Variants in EXT2 observed in about 807,000 individuals in gnomAD.
The protein encoded by EXT2 is exostosin-2.
EXT2 carries 53 observed loss-of-function variants against 81.6 expected under a neutral mutation model. The observed-to-expected ratio is 0.65, with a 90% CI of 0.52 to 0.82. The LOEUF (loss-of-function observed/expected upper bound fraction) is 0.82, where lower values mean the gene tolerates loss of function less well. EXT2 is among the 40% of genes least tolerant of loss of function. The pLI is 0.00. For missense variants in EXT2, 774 were observed against 910.2 expected (o/e 0.85, Z 1.93); for synonymous variants, 320 against 340.0 (o/e 0.94, Z 0.65).
intron 9 of EXT2, among the ~76,000 whole-genome samples, chr11:44,206,002 GA>G (rs1955578164): frequency 6.6e-6 from 1 of 152,070 alleles, no homozygotes; most frequent in Non-Finnish European, 1.5e-5. Context: ...AGTAGAATGG[GA>G]AAAAAATGTA....
intron 5 of EXT2, among the ~76,000 whole-genome samples, chr11:44,126,431 G>A (rs907810130): frequency 5.9e-5 from 9 of 152,314 alleles, no homozygotes; most frequent in African/African-American, 2.2e-4. Flanking sequence ...AAGGTAGGCT[G>A]AGGTAAGTAC....
At chr11:44,204,484 C>T (rs568021490) in intron 9 of EXT2, among the ~76,000 whole-genome samples, 1 of 152,254 alleles carries the variant, frequency 6.6e-6, no homozygotes, top group East Asian at 1.9e-4. Context: ...TTGAAAACCA[C>T]CGGTCTGGTA....
chr11:44,119,188 A>C (rs1954280724), intron 4 of EXT2, among the ~76,000 whole-genome samples: 1 of 142,698 alleles, frequency 7.0e-6, no homozygotes, highest in African/African-American at 2.6e-5. Flanking sequence ...ACACACACAC[A>C]CACACATTTT....
At chr11:44,222,507 T>C (rs1955792655) in intron 10 of EXT2, among the ~76,000 whole-genome samples, 1 of 152,188 alleles carries the variant, frequency 6.6e-6, no homozygotes, top group African/African-American at 2.4e-5. Flanking sequence ...GATTCCATAT[T>C]CCATATTCAG....
At chr11:44,237,114 A>C (rs1361457346) in intron 13 of EXT2, among the ~76,000 whole-genome samples, 1 of 152,216 alleles carries the variant, frequency 6.6e-6, no homozygotes, top group Non-Finnish European at 1.5e-5. Flanking sequence ...CTGACATCCC[A>C]GTAGTGCTTG....
Position 44,235,298 on chromosome 11 carries a change from A to G in EXT2, c.1936-995A>G, listed in dbSNP as rs934408017. On this transcript the variant is annotated intron_variant, in intron 12 of 13. Coordinates refer to ENST00000533608, the MANE Select transcript of EXT2 (RefSeq NM_207122.2). The stretch of plus-strand genomic sequence containing the variant: ...TCACCAGGCTGGAGTGCAGTGGCAC[A>G]GTCTCGGCTCACTGCAGCCTCTGCC... 2.3e-5 allele frequency among the ~76,000 whole-genome samples: 3 copies of G among 128,916 alleles called. No individual in the cohort carries two copies. The Admixed American group carries it at 2.8e-4, about 12-fold the overall frequency. 84.6% of individuals were successfully genotyped at this position (128,916 alleles called of 152,430 possible).
intron 7 of EXT2, among the ~76,000 whole-genome samples, chr11:44,145,977 A>G (rs1200625768): frequency 3.3e-5 from 5 of 152,238 alleles, no homozygotes. Context: ...ACAAAATACC[A>G]CAGACGGGGT....
At chr11:44,181,959 G>A (rs1343591480) in intron 8 of EXT2, among the ~76,000 whole-genome samples, 1 of 152,176 alleles carries the variant, frequency 6.6e-6, no homozygotes, top group Non-Finnish European at 1.5e-5. Context: ...ATGGGGACCT[G>A]ATTGCCTAAG....
rs1955909250 is a variant in EXT2 at position 44,232,373 on chromosome 11, C to T, written c.1683C>T (p.Asp561=). The change falls in exon 11 of 14, where the codon GAC becomes GAT. Residue 561 remains aspartate (D), a synonymous_variant. Transcript: ENST00000533608. ...FGYEVWREFP[D]RLVGYPGRLH... ...CTTAGGTCTGGCGGGAATTTCCTGACCGGTTGGTGGGTTACCCGGGTCGTC... is the reference window on the plus strand; with the variant it reads ...CTTAGGTCTGGCGGGAATTTCCTGATCGGTTGGTGGGTTACCCGGGTCGTC... 6.2e-7 allele frequency: 1 copy of T among 1,613,942 alleles called. No individual in the cohort carries two copies. The highest frequency in any genetic ancestry group is 2.2e-5 in the East Asian group (1 of 44,866).
chr11:44,179,699 A>C (rs1033318502), intron 8 of EXT2, among the ~76,000 whole-genome samples: 4 of 152,200 alleles, frequency 2.6e-5, no homozygotes, highest in Non-Finnish European at 4.4e-5. Context: ...ACCTCAAGAT[A>C]ATGAATTTTG....
chr11:44,142,343 T>C (rs182910701), intron 7 of EXT2, among the ~76,000 whole-genome samples: 1 of 152,358 alleles, frequency 6.6e-6, no homozygotes, highest in African/African-American at 2.4e-5. Context: ...CACATATATT[T>C]ATTTCTTTAT....
intron 8 of EXT2, among the ~76,000 whole-genome samples, chr11:44,197,473 G>A (rs1050025024): frequency 5.3e-5 from 8 of 152,064 alleles, no homozygotes; most frequent in African/African-American, 1.9e-4. Flanking sequence ...ATCAGCTGTT[G>A]TCTCTTCTCC....
rs1278023117 is a variant in EXT2, at chr11:44,239,946, A to G, written c.2018+3571A>G. ...TAAAATGGCCTAGGATTTGCATATA[A>G]CCTTCGCATATCCTTCTTTATAGTT... On this transcript the variant is annotated intron_variant, in intron 13 of 13. Transcript: ENST00000533608. Among the ~76,000 whole-genome samples the G allele has an allele frequency of 5.3e-5, 8 of 152,072 alleles. No homozygotes were observed. In the South Asian group the frequency reaches 1.5e-3, roughly 28 times the overall value.
intron 7 of EXT2, among the ~76,000 whole-genome samples, chr11:44,137,973 G>A (rs1309712764): frequency 2.0e-5 from 3 of 152,178 alleles, no homozygotes; most frequent in Non-Finnish European, 4.4e-5. Flanking sequence ...TGTGTACTCA[G>A]TTATGCTAAG....
intron 10 of EXT2, among the ~76,000 whole-genome samples, chr11:44,224,944 G>A (rs371108380): frequency 6.6e-6 from 1 of 152,146 alleles, no homozygotes; most frequent in East Asian, 1.9e-4. Flanking sequence ...GGTTGTGTAG[G>A]ATTTAAAGAG....
chr11:44,247,716 G>C lies in EXT2; in HGVS notation c.*3429G>C, dbSNP rs1259963188. 6.6e-6 allele frequency among the ~76,000 whole-genome samples: 1 copy of C among 152,164 alleles called. No individual in the cohort carries two copies. The highest frequency in any genetic ancestry group is 2.4e-5 in the African/African-American group (1 of 41,428). ...GACCATCATGCTGGTCTGTGCTGAC[G>C]CAGACTGGGAGCTGGAAGAGACAAG... On this transcript the variant is annotated 3_prime_UTR_variant, in exon 14 of 14. Coordinates refer to ENST00000533608, the MANE Select transcript of EXT2 (RefSeq NM_207122.2).
At chr11:44,228,342 A>T (rs369397629) in intron 10 of EXT2, among the ~76,000 whole-genome samples, 1 of 152,354 alleles carries the variant, frequency 6.6e-6, no homozygotes, top group East Asian at 1.9e-4. Context: ...GGTAGTAATG[A>T]CAAAAGGCTT....
intron 1 of EXT2, chr11:44,096,192 A>T (rs1590532689): frequency 6.9e-7 from 1 of 1,450,628 alleles, no homozygotes; most frequent in Non-Finnish European, 9.3e-7. Context: ...CTCCGCCGTG[A>T]CCCCTCCCTT....
At chr11:44,162,633 TA>T (rs1954942843) in intron 7 of EXT2, among the ~76,000 whole-genome samples, 1 of 127,156 alleles carries the variant, frequency 7.9e-6, no homozygotes, top group Non-Finnish European at 1.7e-5. Flanking sequence ...AATAGACAAA[TA>T]CTGAAACCTA....
Sources: gnomAD v4.1 joint callset for allele counts (sites outside exome capture counted in the v4.1 genomes callset) on GRCh38, gnomAD v4.1.1 for gene constraint, MANE v1.5 for transcripts, NCBI Gene and HGNC (gene_info 2026-07-23, HGNC 2026-07-21) for gene names.